The following AGBL1 variants were observed in gnomAD, a reference collection of about 807,000 sequenced individuals.
AGBL1 encodes the protein cytosolic carboxypeptidase 4.
A neutral mutation model predicts 118.9 loss-of-function variants in AGBL1; 130 were observed. That is an observed-to-expected ratio of 1.09 (90% CI 0.95 to 1.26). The LOEUF is 1.26. Among genes scored for constraint, AGBL1 ranks in the 50% most tolerant of loss-of-function variants. AGBL1 has a pLI of 0.00. For synonymous variants in AGBL1, 555 were observed against 478.9 expected (o/e 1.16, Z -2.08); for missense variants, 1,584 against 1,298.1 (o/e 1.22, Z -3.38).
Position 86,294,581 on chromosome 15 carries a change from A to G in AGBL1, c.2221-674A>G, listed in dbSNP as rs2079602546. ...GATTAACCACGTCTATTATTTTTTC[A>G]ATGTGCTCACATTTCTCCCTATTAC... is the stretch of plus-strand genomic sequence containing the variant. On this transcript the variant is annotated intron_variant, in intron 16 of 22. Transcript: ENST00000614907. 3.3e-5 allele frequency among the ~76,000 whole-genome samples: 5 copies of G among 151,950 alleles called. No homozygotes were observed. The South Asian group carries it at 1.0e-3, about 32-fold the overall frequency.
At position 86,935,354 on chromosome 15, in the gene AGBL1, T is replaced by C. The variant is rs530214354; in HGVS notation, c.3222-52633T>C. On this transcript the variant is annotated intron_variant, in intron 23 of 24. Coordinates refer to the AGBL1 transcript ENST00000441037. ...CATTAAAATTAATTGTACACGTGAA[T>C]ACATTGGTGGTGCTCTAAGGCATTG... Among the ~76,000 whole-genome samples, 4 of 152,286 alleles carry C rather than the reference T, an allele frequency of 2.6e-5. No homozygotes were observed. The East Asian group carries it at 7.7e-4, about 29-fold the overall frequency.
chr15:86,666,547 G>C (rs185394123), intron 21 of AGBL1, among the ~76,000 whole-genome samples: 45 of 152,128 alleles, frequency 3.0e-4, no homozygotes, highest in Middle Eastern at 3.4e-3. Context: ...TCTGGGTCTT[G>C]CCAAATAATA....
chr15:86,256,454 C>G (rs1190391030), intron 7 of AGBL1, among the ~76,000 whole-genome samples: 1 of 152,144 alleles, frequency 6.6e-6, no homozygotes, highest in Non-Finnish European at 1.5e-5. Context: ...CTGCTCATTG[C>G]CTAACGTAGG....
At chr15:86,414,553 G>C (rs2081664340) in intron 18 of AGBL1, among the ~76,000 whole-genome samples, 1 of 152,152 alleles carries the variant, frequency 6.6e-6, no homozygotes, top group Non-Finnish European at 1.5e-5. Context: ...TCACACAAGA[G>C]GGTGCTATGG....
At chr15:86,350,314 C>T (rs2080605391) in intron 17 of AGBL1, among the ~76,000 whole-genome samples, 1 of 152,226 alleles carries the variant, frequency 6.6e-6, no homozygotes, top group Non-Finnish European at 1.5e-5. Flanking sequence ...TTGACAGACT[C>T]TGATTTAATA....
intron 18 of AGBL1, among the ~76,000 whole-genome samples, chr15:86,517,755 G>A (rs2083139258): frequency 6.6e-6 from 1 of 152,162 alleles, no homozygotes; most frequent in African/African-American, 2.4e-5. Context: ...TTGAGCTTTA[G>A]AACAACTGTA....
At position 86,562,447 on chromosome 15, in the gene AGBL1, A is replaced by C. The variant is rs566222268; in HGVS notation, c.2994+7910A>C. 7.2e-5 allele frequency among the ~76,000 whole-genome samples: 11 copies of C among 152,258 alleles called. No individual in the cohort carries two copies. In the East Asian group the frequency reaches 2.1e-3, roughly 29 times the overall value. ...TCTGTTTATATGCTGGATTATGTTT[A>C]TTGATTTGCATATGTTGGACCAGCC... On this transcript the variant is annotated intron_variant, in intron 21 of 22. Coordinates refer to ENST00000614907, the MANE Select transcript of AGBL1 (RefSeq NM_001386094.1).
chr15:86,920,249 C>T (rs1394111955), downstream of AGBL1, among the ~76,000 whole-genome samples: 1 of 152,164 alleles, frequency 6.6e-6, no homozygotes, highest in African/African-American at 2.4e-5. Flanking sequence ...AGCCAGCTGT[C>T]AGAGGGGCTG....
At position 87,009,630 on chromosome 15, in the gene AGBL1, CCA is replaced by C. The variant is rs200630138; in HGVS notation, c.3324-19192_3324-19191del. On this transcript the variant is annotated intron_variant, in intron 24 of 24. Transcript: ENST00000441037. ...AGCTTGCACTATGCACCTGGAAAAG[CCA>C]CAGACACTCAATGCCAGCCCACAAA... 8.6e-3 allele frequency among the ~76,000 whole-genome samples: 1,304 copies of C among 152,290 alleles called. 9 individuals carry two copies. Among genetic ancestry groups the C allele is most frequent in the Non-Finnish European group, 0.014 (923 of 68,024 alleles).
At chr15:86,713,914 T>C (rs2086599341) in intron 22 of AGBL1, among the ~76,000 whole-genome samples, 1 of 152,160 alleles carries the variant, frequency 6.6e-6, no homozygotes, top group South Asian at 2.1e-4. Context: ...AGCATGCGGC[T>C]GTTAGAGAGA....
In AGBL1 at chr15:86,437,002, G is replaced by GTT. The variant is rs201016819; in HGVS notation, c.2555+39467_2555+39468dup. On this transcript the variant is annotated intron_variant, in intron 18 of 22. Transcript: ENST00000614907. ...TGCAGACGGATTTGAGCAGGACTTTGTTTTTTTTTTTTGCATCAAATGACT... is the reference window on the plus strand; with the variant it reads ...TGCAGACGGATTTGAGCAGGACTTTGTTTTTTTTTTTTTTGCATCAAATGACT... Among the ~76,000 whole-genome samples, 176 of 140,042 alleles carry GTT rather than the reference G, an allele frequency of 1.3e-3. 1 individual carries two copies. Among genetic ancestry groups the GTT allele is most frequent in the African/African-American group, 4.1e-3 (158 of 38,306 alleles). The allele number at this position is 140,042 out of a possible 152,430, so 91.9% of individuals were successfully genotyped here. A position where few individuals can be genotyped will look rare whatever the true frequency, so the allele number is the denominator to read the frequency against.
chr15:86,121,723 G>A (rs1213734238), intron 1 of AGBL1, among the ~76,000 whole-genome samples: 1 of 152,138 alleles, frequency 6.6e-6, no homozygotes, highest in Non-Finnish European at 1.5e-5. Context: ...GCATTCTGTA[G>A]CCCTGTCTCA....
chr15:86,979,151 A>G (rs559038541), intron 23 of AGBL1, among the ~76,000 whole-genome samples: 61 of 152,304 alleles, frequency 4.0e-4, no homozygotes, highest in South Asian at 3.3e-3. Context: ...CATTTTGGTC[A>G]CTTGTCCTTA....
intron 22 of AGBL1, among the ~76,000 whole-genome samples, chr15:86,897,764 CTTTTTTT>C (rs71460231): frequency 8.7e-5 from 7 of 80,620 alleles, no homozygotes; most frequent in Admixed American, 3.4e-4. Flanking sequence ...CATCTTTTAT[CTTTTTTT>C]TTTTTTTTTT....
chr15:86,955,134 G>T (rs76157581), intron 23 of AGBL1, among the ~76,000 whole-genome samples: 2,426 of 151,648 alleles, frequency 0.016, 70 homozygotes, highest in African/African-American at 0.056. Flanking sequence ...TTATCATTTT[G>T]GATTTAAGAT....
At chr15:86,688,788 A>G (rs1448211628) in intron 22 of AGBL1, among the ~76,000 whole-genome samples, 3 of 152,188 alleles carry the variant, frequency 2.0e-5, no homozygotes, top group African/African-American at 7.2e-5. Flanking sequence ...ATATCTATAT[A>G]TATGCATAAA....
At chr15:86,112,980 A>G (rs1343015764) in intron 1 of AGBL1, among the ~76,000 whole-genome samples, 1 of 152,136 alleles carries the variant, frequency 6.6e-6, no homozygotes, top group African/African-American at 2.4e-5. Flanking sequence ...CAGATTTTTA[A>G]AAGCATTGTC....
intron 23 of AGBL1, among the ~76,000 whole-genome samples, chr15:86,986,622 G>A (rs1428892951): frequency 6.6e-6 from 1 of 152,142 alleles, no homozygotes; most frequent in Non-Finnish European, 1.5e-5. Context: ...TTAGACTGGG[G>A]TTGTGTCGAA....
At chr15:86,540,154 C>A (rs2142239166) in intron 19 of AGBL1, among the ~76,000 whole-genome samples, 1 of 152,196 alleles carries the variant, frequency 6.6e-6, no homozygotes, top group East Asian at 1.9e-4. Flanking sequence ...TTTTAGCATG[C>A]TATCTAGAGT....
Sources: gnomAD v4.1 joint callset for allele counts (sites outside exome capture counted in the v4.1 genomes callset) on GRCh38, gnomAD v4.1.1 for gene constraint, MANE v1.5 for transcripts, NCBI Gene and HGNC (gene_info 2026-07-23, HGNC 2026-07-21) for gene names.